The following CLSTN2 variants were observed in gnomAD, a reference collection of about 807,000 sequenced individuals.
CLSTN2 encodes calsyntenin 2.
In CLSTN2, 48 loss-of-function variants were observed where a neutral mutation model predicts 101.2. The observed-to-expected ratio is 0.47, with a 90% CI of 0.38 to 0.60. The LOEUF (loss-of-function observed/expected upper bound fraction) is 0.60, where lower values mean the gene tolerates loss of function less well. CLSTN2 is among the 20% of genes least tolerant of loss of function. The pLI is 0.00. For synonymous variants in CLSTN2, 481 were observed against 463.6 expected (o/e 1.04, Z -0.48); for missense variants, 1,160 against 1,238.2 (o/e 0.94, Z 0.95).
chr3:140,020,882 CA>C lies in CLSTN2; in HGVS notation c.109+85400del, dbSNP rs575644669. 2.3e-3 allele frequency among the ~76,000 whole-genome samples: 346 copies of C among 152,332 alleles called. 1 individual carries two copies. The highest frequency in any genetic ancestry group is 2.5e-3 in the Non-Finnish European group (169 of 68,042). On this transcript the variant is annotated intron_variant, in intron 1 of 16. Transcript: ENST00000458420. The stretch of plus-strand genomic sequence containing the variant: ...ACTCTTTTAATAGGCACAATTTACA[CA>C]GAGGCTTGGCAGACTGCTTCGTCTT...
At chr3:140,334,927 A>G (rs1285645218) in intron 2 of CLSTN2, among the ~76,000 whole-genome samples, 1 of 152,192 alleles carries the variant, frequency 6.6e-6, no homozygotes, top group Non-Finnish European at 1.5e-5. Flanking sequence ...GGTCATCGTT[A>G]CCATTTGTTG....
chr3:140,465,854 G>A (rs147342158), intron 7 of CLSTN2, among the ~76,000 whole-genome samples: 56 of 152,216 alleles, frequency 3.7e-4, no homozygotes, highest in African/African-American at 1.2e-3. Flanking sequence ...TATGGAACAC[G>A]CGCCTCCTGG....
intron 5 of CLSTN2, among the ~76,000 whole-genome samples, chr3:140,431,608 C>T (rs2088629358): frequency 6.6e-6 from 1 of 152,134 alleles, no homozygotes; most frequent in African/African-American, 2.4e-5. Flanking sequence ...TTTTGACTTG[C>T]CTCTCCTTCC....
intron 2 of CLSTN2, among the ~76,000 whole-genome samples, chr3:140,212,115 G>C (rs985865572): frequency 1.3e-5 from 2 of 152,204 alleles, no homozygotes; most frequent in Admixed American, 1.3e-4. Context: ...TGACTCCACT[G>C]AATCCAAGGC....
Position 140,404,430 on chromosome 3 carries a change from G to A in CLSTN2, c.429-128G>A, listed in dbSNP as rs563544803. The A allele has an allele frequency of 9.3e-5, 72 of 772,686 alleles. No individual in the cohort carries two copies. The African/African-American group carries it at 1.1e-3, about 12-fold the overall frequency. 47.9% of individuals were successfully genotyped at this position (772,686 alleles called of 1,614,324 possible). A position where few individuals can be genotyped will look rare whatever the true frequency, so the allele number is the denominator to read the frequency against. ...GGGAGGATGGGACACTCAGACAACT[G>A]CCACAATTGGCTGATGGTTTCTCCT... On this transcript the variant is annotated intron_variant, in intron 3 of 16. Transcript: ENST00000458420.
At chr3:140,494,500 G>A (rs141380447) in intron 8 of CLSTN2, among the ~76,000 whole-genome samples, 1 of 152,186 alleles carries the variant, frequency 6.6e-6, no homozygotes. Flanking sequence ...TGCAGGATAT[G>A]CAGGCTTGTT....
At chr3:140,369,214 A>G (rs1212381401) in intron 2 of CLSTN2, among the ~76,000 whole-genome samples, 1 of 152,244 alleles carries the variant, frequency 6.6e-6, no homozygotes, top group Non-Finnish European at 1.5e-5. Context: ...ATGAGGAAGA[A>G]TAATTAGTAA....
At chr3:140,066,361 A>G (rs2008299862) in intron 1 of CLSTN2, among the ~76,000 whole-genome samples, 1 of 152,156 alleles carries the variant, frequency 6.6e-6, no homozygotes, top group Non-Finnish European at 1.5e-5. Flanking sequence ...TCTAATCTTT[A>G]CCTGGTGCCT....
chr3:140,364,017 C>T (rs1002610791), intron 2 of CLSTN2, among the ~76,000 whole-genome samples: 2 of 152,228 alleles, frequency 1.3e-5, no homozygotes, highest in Non-Finnish European at 2.9e-5. Flanking sequence ...AGCACACACT[C>T]CCTGTGCGTT....
intron 2 of CLSTN2, among the ~76,000 whole-genome samples, chr3:140,205,015 G>A (rs1370296899): frequency 6.6e-6 from 1 of 152,170 alleles, no homozygotes; most frequent in Non-Finnish European, 1.5e-5. Context: ...GGGGTGAGGG[G>A]AGGTGGGTCA....
rs557956791 is a variant in CLSTN2 at position 140,080,392 on chromosome 3, G to C, written c.110-95559G>C. Among the ~76,000 whole-genome samples the C allele has an allele frequency of 9.8e-5, 15 of 152,324 alleles. No individual in the cohort carries two copies. The South Asian group carries it at 2.7e-3, about 27-fold the overall frequency. On this transcript the variant is annotated intron_variant, in intron 1 of 16. Coordinates refer to ENST00000458420, the MANE Select transcript of CLSTN2 (RefSeq NM_022131.3). ...AAAGAAGTGACTGGACGTAGTAGGT[G>C]CCTGGGAAAGGTTTTTGAATGAATG...
chr3:140,402,881 C>T lies in CLSTN2; in HGVS notation c.233-748C>T, dbSNP rs148923657. Among the ~76,000 whole-genome samples, 6 of 152,296 alleles carry T rather than the reference C, an allele frequency of 3.9e-5. No homozygotes were observed. In the East Asian group the frequency reaches 1.2e-3, roughly 29 times the overall value. On this transcript the variant is annotated intron_variant, in intron 2 of 16. Coordinates refer to ENST00000458420, the MANE Select transcript of CLSTN2 (RefSeq NM_022131.3). ...CTCTGGGCTCTTGGCCTCTGTTTTG[C>T]TCCCTCAAAGCCTATAGCTAAACTC...
In CLSTN2 at chr3:140,457,140, G is replaced by T. The variant is rs140649549; in HGVS notation, c.974-2381G>T. Among the ~76,000 whole-genome samples the T allele has an allele frequency of 3.4e-3, 512 of 152,302 alleles. 4 individuals carry two copies. The highest frequency in any genetic ancestry group is 0.011 in the African/African-American group (469 of 41,562). Reference sequence around the variant, plus strand: ...CCCACCCTGCTTCCCCTGTGCAGAGGCCTTGGTGCTCCACATGGTGGCAAA... The same window carrying T: ...CCCACCCTGCTTCCCCTGTGCAGAGTCCTTGGTGCTCCACATGGTGGCAAA... On this transcript the variant is annotated intron_variant, in intron 6 of 16. Coordinates refer to ENST00000458420, the MANE Select transcript of CLSTN2 (RefSeq NM_022131.3).
chr3:140,395,627 C>T (rs1202545707), intron 2 of CLSTN2, among the ~76,000 whole-genome samples: 1 of 152,178 alleles, frequency 6.6e-6, no homozygotes, highest in African/African-American at 2.4e-5. Flanking sequence ...AGTGTTTCAT[C>T]TGAAGTGGGA....
At chr3:140,211,254 A>C (rs1467881148) in intron 2 of CLSTN2, among the ~76,000 whole-genome samples, 1 of 151,754 alleles carries the variant, frequency 6.6e-6, no homozygotes, top group African/African-American at 2.4e-5. Flanking sequence ...TTCAGATTGT[A>C]TAATTTTAAA....
intron 2 of CLSTN2, among the ~76,000 whole-genome samples, chr3:140,249,013 A>T (rs1293728804): frequency 6.6e-6 from 1 of 152,146 alleles, no homozygotes; most frequent in Non-Finnish European, 1.5e-5. Flanking sequence ...TTAAAGAGAG[A>T]TGCAGCATGG....
intron 1 of CLSTN2, among the ~76,000 whole-genome samples, chr3:139,988,165 C>T (rs564126097): frequency 6.6e-6 from 1 of 152,320 alleles, no homozygotes; most frequent in Non-Finnish European, 1.5e-5. Context: ...GTCCTTATAG[C>T]CTTGTGTTTC....
chr3:140,296,655 C>T (rs529247064), intron 2 of CLSTN2, among the ~76,000 whole-genome samples: 14 of 152,266 alleles, frequency 9.2e-5, no homozygotes, highest in East Asian at 1.9e-4. Flanking sequence ...TTATATACAA[C>T]GCAAGTATTT....
intron 5 of CLSTN2, among the ~76,000 whole-genome samples, chr3:140,439,317 A>G (rs367996809): frequency 3.1e-4 from 47 of 152,324 alleles, no homozygotes; most frequent in African/African-American, 1.1e-3. Flanking sequence ...GCCTGACATA[A>G]GCCTGGGCTT....
Sources: gnomAD v4.1 joint callset for allele counts (sites outside exome capture counted in the v4.1 genomes callset) on GRCh38, gnomAD v4.1.1 for gene constraint, MANE v1.5 for transcripts, NCBI Gene and HGNC (gene_info 2026-07-23, HGNC 2026-07-21) for gene names.